The following CPNE4 variants were observed in gnomAD, a reference collection of about 807,000 sequenced individuals.
CPNE4 encodes the protein copine 4.
In CPNE4, 25 loss-of-function variants were observed where a neutral mutation model predicts 67.9. The ratio of observed to expected loss-of-function variants is 0.37; its 90% CI spans 0.27 to 0.51. The LOEUF (loss-of-function observed/expected upper bound fraction) is 0.51, where lower values mean the gene tolerates loss of function less well. CPNE4 is among the 20% of genes least tolerant of loss of function. CPNE4 has a pLI of 0.93. For synonymous variants in CPNE4, 242 were observed against 244.9 expected, an observed-to-expected ratio of 0.99 and a Z score of 0.11; for missense variants, 464 against 690.8, an observed-to-expected ratio of 0.67 and a Z score of 3.68.
At chr3:131,553,774 C>G (rs1936313769) in intron 12 of CPNE4, among the ~76,000 whole-genome samples, 1 of 152,098 alleles carries the variant, frequency 6.6e-6, no homozygotes, top group South Asian at 2.1e-4. Flanking sequence ...TCAATGCATA[C>G]TTTCAGATTT....
chr3:131,905,260 C>T lies in CPNE4; in HGVS notation c.180+4G>A. On this transcript the variant is annotated splice_donor_region_variant and intron_variant, in intron 2 of 15. Transcript: ENST00000429747. ...GTTCTGTCCATTTCATTGGACATGC[C>T]TACCTCAAACCACTGCCCATGAGAC... The T allele has an allele frequency of 6.2e-7, 1 of 1,610,448 alleles. No homozygotes were observed. Among genetic ancestry groups the T allele is most frequent in the Non-Finnish European group, 8.5e-7 (1 of 1,177,944 alleles).
At chr3:131,742,421 C>T (rs899583108) in intron 2 of CPNE4, among the ~76,000 whole-genome samples, 1 of 152,194 alleles carries the variant, frequency 6.6e-6, no homozygotes, top group African/African-American at 2.4e-5. Context: ...CAACTGCCAA[C>T]TGCAGATCTT....
chr3:131,717,908 T>TTCTTTCTTTCTTTCTG, intron 3 of CPNE4, among the ~76,000 whole-genome samples: 1 of 132,750 alleles, frequency 7.5e-6, no homozygotes, highest in African/African-American at 2.7e-5. Flanking sequence ...CTTTCTTTCT[T>TTCTTTCTTTCTTTCTG]TCTTTCTTTC....
chr3:131,758,398 C>T (rs1468239156), intron 2 of CPNE4, among the ~76,000 whole-genome samples: 1 of 152,130 alleles, frequency 6.6e-6, no homozygotes, highest in Non-Finnish European at 1.5e-5. Context: ...TGCATGGACC[C>T]TGTAACGTCT....
At chr3:131,554,274 G>A (rs59487384) in intron 12 of CPNE4, among the ~76,000 whole-genome samples, 5,293 of 152,032 alleles carry the variant, frequency 0.035, 296 homozygotes, top group African/African-American at 0.12. Flanking sequence ...TTCTTGTATC[G>A]GTCATCTTTT....
At position 131,932,142 on chromosome 3, in the gene CPNE4, CAGG is replaced by C. The variant is rs1278542995; in HGVS notation, c.-1-26701_-1-26699del. ...TCACATGTCAGCTAATAGGTTTGGACAGGAGGACAGGAGGTCTCCAAACCAAAG... is the reference window on the plus strand; with the variant it reads ...TCACATGTCAGCTAATAGGTTTGGACAGGACAGGAGGTCTCCAAACCAAAG... On this transcript the variant is annotated intron_variant, in intron 1 of 15. Transcript: ENST00000429747. 2.0e-5 allele frequency among the ~76,000 whole-genome samples: 3 copies of C among 152,164 alleles called. No individual in the cohort carries two copies. The East Asian group carries it at 5.8e-4, about 29-fold the overall frequency.
intron 1 of CPNE4, among the ~76,000 whole-genome samples, chr3:131,983,558 A>G (rs906342904): frequency 7.9e-5 from 12 of 152,188 alleles, no homozygotes; most frequent in African/African-American, 2.7e-4. Flanking sequence ...TAGTTCCAAA[A>G]TTCAAAACCA....
At chr3:131,952,054 T>A (rs1286257205) in intron 1 of CPNE4, among the ~76,000 whole-genome samples, 1 of 142,782 alleles carries the variant, frequency 7.0e-6, no homozygotes, top group African/African-American at 2.6e-5. Context: ...CCCCTCTGCC[T>A]GGCTGCCCAG....
chr3:131,721,521 G>A (rs1005812899), intron 3 of CPNE4, among the ~76,000 whole-genome samples: 6 of 151,222 alleles, frequency 4.0e-5, no homozygotes, highest in Non-Finnish European at 7.4e-5. Flanking sequence ...TCAGCCTCAC[G>A]AGTAGCTGGG....
intron 3 of CPNE4, among the ~76,000 whole-genome samples, chr3:131,722,436 AC>A (rs2081910115): frequency 7.5e-6 from 1 of 133,596 alleles, no homozygotes; most frequent in Non-Finnish European, 1.7e-5. Context: ...GTCTCTTCCC[AC>A]CCCATACCCC....
intron 7 of CPNE4, among the ~76,000 whole-genome samples, chr3:131,625,144 C>A (rs1020156821): frequency 6.6e-6 from 1 of 152,130 alleles, no homozygotes; most frequent in Non-Finnish European, 1.5e-5. Context: ...TCCAACTCCT[C>A]CTTTTCTTAT....
intron 1 of CPNE4, among the ~76,000 whole-genome samples, chr3:131,981,493 C>T (rs765869692): frequency 6.6e-6 from 1 of 152,062 alleles, no homozygotes; most frequent in Non-Finnish European, 1.5e-5. Context: ...CAGTCACAGG[C>T]TTCACCCAGC....
chr3:132,008,266 T>G (rs909908206), intron 1 of CPNE4, among the ~76,000 whole-genome samples: 29 of 152,304 alleles, frequency 1.9e-4, no homozygotes, highest in African/African-American at 7.0e-4. Context: ...AACCTAACTG[T>G]TGAAGAGTAA....
intron 1 of CPNE4, among the ~76,000 whole-genome samples, chr3:131,933,895 G>A (rs2071142832): frequency 6.6e-6 from 1 of 151,940 alleles, no homozygotes; most frequent in South Asian, 2.1e-4. Flanking sequence ...AAGGGATAAG[G>A]GAAATAAGAT....
intron 2 of CPNE4, among the ~76,000 whole-genome samples, chr3:131,744,851 G>C (rs916168114): frequency 9.2e-5 from 14 of 152,156 alleles, no homozygotes; most frequent in Admixed American, 8.5e-4. Flanking sequence ...AAGAACATCT[G>C]TTTCCAGTTC....
rs369606802 is a variant in CPNE4, at chr3:131,650,523, C to A, written c.681+19152G>T. ...TTGTAATCCCAGCACTCTGGGAGGCCGAGGCGGGTGGATCACAAGGTCGGG... is the reference window on the plus strand; with the variant it reads ...TTGTAATCCCAGCACTCTGGGAGGCAGAGGCGGGTGGATCACAAGGTCGGG... On this transcript the variant is annotated intron_variant, in intron 7 of 15. Coordinates refer to ENST00000429747, the MANE Select transcript of CPNE4 (RefSeq NM_130808.3). 2.7e-4 allele frequency among the ~76,000 whole-genome samples: 39 copies of A among 142,188 alleles called. 1 individual carries two copies. In the East Asian group the frequency reaches 3.9e-3, roughly 14 times the overall value. The allele number at this position is 142,188 out of a possible 152,430, so 93.3% of individuals were successfully genotyped here.
intron 1 of CPNE4, among the ~76,000 whole-genome samples, chr3:132,025,237 G>A (rs1043820131): frequency 2.0e-5 from 3 of 152,184 alleles, no homozygotes; most frequent in Non-Finnish European, 2.9e-5. Context: ...TTGGGACAAG[G>A]GCAGGGGAAA....
intron 1 of CPNE4, among the ~76,000 whole-genome samples, chr3:131,912,567 C>T (rs1390326099): frequency 6.6e-6 from 1 of 152,146 alleles, no homozygotes; most frequent in Non-Finnish European, 1.5e-5. Flanking sequence ...GCTGGAGGCA[C>T]TGAACATCCA....
chr3:131,766,850 C>G (rs555667795), intron 2 of CPNE4, among the ~76,000 whole-genome samples: 86 of 152,196 alleles, frequency 5.7e-4, no homozygotes, highest in African/African-American at 2.0e-3. Context: ...ATTTTACAAT[C>G]ATATTTAGTG....
Sources: gnomAD v4.1 joint callset for allele counts (sites outside exome capture counted in the v4.1 genomes callset) on GRCh38, gnomAD v4.1.1 for gene constraint, MANE v1.5 for transcripts, NCBI Gene and HGNC (gene_info 2026-07-23, HGNC 2026-07-21) for gene names.